Variants in SHROOM3 observed in about 807,000 individuals in gnomAD.
SHROOM3 encodes protein Shroom3.
Under a neutral mutation model 138.6 loss-of-function variants are expected in SHROOM3, and 47 were observed. The observed-to-expected ratio is 0.34, with a 90% confidence interval of 0.27 to 0.43. The LOEUF (loss-of-function observed/expected upper bound fraction) is 0.43. Ranked by LOEUF, SHROOM3 falls within the 20% of genes least tolerant of loss-of-function variation. The probability of loss-of-function intolerance (pLI) is 1.00; values close to 1 mark genes in which losing one functional copy is unlikely to be tolerated. For missense variants in SHROOM3, 2,491 were observed against 2,596.5 expected, an observed-to-expected ratio of 0.96 and a Z score of 0.88; for synonymous variants, 1,062 against 1,063.3, an observed-to-expected ratio of 1.00 and a Z score of 0.02.
intron 2 of SHROOM3, among the ~76,000 whole-genome samples, chr4:76,647,358 G>A (rs193217613): frequency 6.6e-6 from 1 of 152,128 alleles, no homozygotes; most frequent in East Asian, 1.9e-4. Flanking sequence ...AGCAGAGTGG[G>A]GTGACTATAG....
At chr4:76,640,628 T>A (rs763593212) in intron 2 of SHROOM3, among the ~76,000 whole-genome samples, 8 of 152,234 alleles carry the variant, frequency 5.3e-5, no homozygotes, top group Non-Finnish European at 1.2e-4. Flanking sequence ...TGTTCTTGGG[T>A]ACATCCTTTC....
intron 3 of SHROOM3, among the ~76,000 whole-genome samples, chr4:76,720,151 GTTTTTTTTT>G (rs59839066): frequency 6.0e-5 from 5 of 82,998 alleles, no homozygotes; most frequent in Non-Finnish European, 8.7e-5. Flanking sequence ...TGTTTTTTAG[GTTTTTTTTT>G]TTTTTTTTTT....
At chr4:76,444,516 C>T (rs1245736375) in intron 1 of SHROOM3, among the ~76,000 whole-genome samples, 6 of 93,062 alleles carry the variant, frequency 6.4e-5, no homozygotes, top group East Asian at 3.7e-4. Context: ...TTTTTTGAGA[C>T]GGAGTCTTGC....
At chr4:76,588,165 C>T (rs1326302305) in intron 2 of SHROOM3, among the ~76,000 whole-genome samples, 3 of 152,170 alleles carry the variant, frequency 2.0e-5, no homozygotes, top group East Asian at 3.8e-4. Flanking sequence ...ACAAACCCCA[C>T]GTTTCATATT....
intron 10 of SHROOM3, among the ~76,000 whole-genome samples, chr4:76,775,814 T>TAC (rs560738392): frequency 1.3e-5 from 2 of 151,278 alleles, no homozygotes; most frequent in African/African-American, 4.9e-5. Context: ...ATACTATATA[T>TAC]ATACACACAC....
At chr4:76,720,724 G>C (rs1054322646) in intron 3 of SHROOM3, among the ~76,000 whole-genome samples, 1 of 149,876 alleles carries the variant, frequency 6.7e-6, no homozygotes, top group Non-Finnish European at 1.5e-5. Flanking sequence ...CGATTCTCCT[G>C]CCTCAGCCTT....
intron 1 of SHROOM3, among the ~76,000 whole-genome samples, chr4:76,454,817 T>C (rs900277723): frequency 2.0e-5 from 3 of 152,236 alleles, no homozygotes; most frequent in East Asian, 3.8e-4. Context: ...TTTCAGTTTG[T>C]GTCTGCTTTC....
intron 2 of SHROOM3, among the ~76,000 whole-genome samples, chr4:76,632,287 C>G (rs1735348555): frequency 6.6e-6 from 1 of 152,114 alleles, no homozygotes; most frequent in Non-Finnish European, 1.5e-5. Flanking sequence ...ACTGGAATCC[C>G]TCATCCTAGG....
At chr4:76,694,994 T>C (rs1274080692) in intron 2 of SHROOM3, among the ~76,000 whole-genome samples, 4 of 152,238 alleles carry the variant, frequency 2.6e-5, no homozygotes, top group African/African-American at 9.6e-5. Context: ...AGGTCTGTAA[T>C]AGATGTCAAC....
At chr4:76,648,931 G>A (rs528075343) in intron 2 of SHROOM3, among the ~76,000 whole-genome samples, 3 of 152,134 alleles carry the variant, frequency 2.0e-5, no homozygotes, top group East Asian at 1.9e-4. Context: ...GGAAACTATC[G>A]TCAAAATTAA....
chr4:76,660,833 C>T (rs1293928580), intron 2 of SHROOM3, among the ~76,000 whole-genome samples: 1 of 151,540 alleles, frequency 6.6e-6, no homozygotes, highest in Non-Finnish European at 1.5e-5. Flanking sequence ...GACACAGTCT[C>T]ACTCTGTCAC....
chr4:76,449,439 C>T (rs1057407789), intron 1 of SHROOM3, among the ~76,000 whole-genome samples: 2 of 152,164 alleles, frequency 1.3e-5, no homozygotes, highest in Non-Finnish European at 2.9e-5. Flanking sequence ...ACACAGTTTC[C>T]GACCTACCCT....
intron 1 of SHROOM3, among the ~76,000 whole-genome samples, chr4:76,478,320 G>C (rs540055443): frequency 1.3e-5 from 2 of 152,318 alleles, no homozygotes; most frequent in Admixed American, 6.5e-5. Context: ...ACCAAGGCTT[G>C]AGTAGGCAGT....
intron 2 of SHROOM3, among the ~76,000 whole-genome samples, chr4:76,606,882 T>C (rs1323256213): frequency 6.6e-6 from 1 of 152,108 alleles, no homozygotes; most frequent in Non-Finnish European, 1.5e-5. Context: ...TTGTAGAAAG[T>C]GGTCTTGGTA....
At chr4:76,730,344 G>A (rs1720835091) in intron 3 of SHROOM3, among the ~76,000 whole-genome samples, 1 of 152,200 alleles carries the variant, frequency 6.6e-6, no homozygotes. Flanking sequence ...AACAGGATAT[G>A]ATAGAGGACT....
At position 76,780,456 on chromosome 4, in the gene SHROOM3, G is replaced by A. The variant is rs558985845; in HGVS notation, c.*1279G>A. The A allele has an allele frequency of 1.1e-4, 16 of 151,918 alleles. No homozygotes were observed. In the East Asian group the frequency reaches 2.7e-3, roughly 26 times the overall value. 9.4% of individuals were successfully genotyped at this position (151,918 alleles called of 1,614,324 possible). On this transcript the variant is annotated 3_prime_UTR_variant, in exon 11 of 11. Coordinates refer to ENST00000296043, the MANE Select transcript of SHROOM3 (RefSeq NM_020859.4). The stretch of plus-strand genomic sequence containing the variant: ...TTTTTTCACGTTTGATCTGTGGCTG[G>A]TGGCCACCTTTGTTGATTTGGGCTT...
Position 76,756,619 on chromosome 4 carries a change from C to A in SHROOM3, c.4880C>A (p.Ser1627Tyr), listed in dbSNP as rs1257909096. The stretch of plus-strand genomic sequence containing the variant: ...AGCGTTCACGCCCAACTTGCTGGGT[C>A]TCTTGGTGGGCAGCCAGCACCCATC... Reference protein sequence around the residue: ...FMSVHAQLAGSLGGQPAPIQT... With the variant: ...FMSVHAQLAGYLGGQPAPIQT... The change falls in exon 8 of 11, where the codon TCT becomes TAT. Residue 1627 changes from serine (S) to tyrosine (Y), a missense_variant. By Grantham distance (144) the Ser-to-Tyr change is moderately radical. Coordinates refer to ENST00000296043, the MANE Select transcript of SHROOM3 (RefSeq NM_020859.4). The A allele has an allele frequency of 6.2e-7, 1 of 1,613,990 alleles. No homozygotes were observed. Among genetic ancestry groups the A allele is most frequent in the South Asian group, 1.1e-5 (1 of 91,050 alleles).
Position 76,553,464 on chromosome 4 carries a change from C to T in SHROOM3, c.169-2145C>T, listed in dbSNP as rs186194637. Among the ~76,000 whole-genome samples the T allele has an allele frequency of 1.4e-3, 216 of 151,898 alleles. 1 individual carries two copies. The highest frequency in any genetic ancestry group is 4.9e-3 in the African/African-American group (204 of 41,440). ...CTAATTTTTGTGTTTTTAGTAGAGA[C>T]GGGGTTTCACCATGTTGGCCAGGCT... On this transcript the variant is annotated intron_variant, in intron 1 of 10. Transcript: ENST00000296043.
At chr4:76,632,511 C>T (rs941385803) in intron 2 of SHROOM3, among the ~76,000 whole-genome samples, 3 of 152,096 alleles carry the variant, frequency 2.0e-5, no homozygotes, top group South Asian at 2.1e-4. Context: ...ATGACATAAA[C>T]ACAAATCATT....
Sources: gnomAD v4.1 joint callset for allele counts (sites outside exome capture counted in the v4.1 genomes callset) on GRCh38, gnomAD v4.1.1 for gene constraint, MANE v1.5 for transcripts, NCBI Gene and HGNC (gene_info 2026-07-23, HGNC 2026-07-21) for gene names.